Variants in TMEM128 observed in about 807,000 individuals in gnomAD.
TMEM128 encodes the protein transmembrane protein 128.
A neutral mutation model predicts 19.7 loss-of-function variants in TMEM128; 16 were observed. The observed-to-expected ratio is 0.81, with a 90% confidence interval of 0.55 to 1.23. The LOEUF (loss-of-function observed/expected upper bound fraction) is 1.23. Among genes scored for constraint, TMEM128 ranks in the 50% most tolerant of loss-of-function variants. TMEM128 has a pLI of 0.00. For missense variants in TMEM128, 237 were observed against 200.8 expected, an observed-to-expected ratio of 1.18 and a Z score of -1.09; for synonymous variants, 98 against 75.8, an observed-to-expected ratio of 1.29 and a Z score of -1.52.
chr4:4,238,255 C>A (rs1015482307), intron 3 of TMEM128, among the ~76,000 whole-genome samples: 3 of 152,172 alleles, frequency 2.0e-5, no homozygotes, highest in Admixed American at 2.0e-4. Context: ...GGCTACAGCC[C>A]ATTTTTATGA....
intron 2 of TMEM128, among the ~76,000 whole-genome samples, chr4:4,241,855 G>A (rs1489276326): frequency 2.0e-5 from 3 of 152,166 alleles, no homozygotes. Context: ...GCTCCTCACA[G>A]CTGACTCTCA....
chr4:4,247,833 T>C lies in TMEM128; in HGVS notation c.97+273A>G, dbSNP rs1351019588. ...GTACACTGCGGTACACGCATGTTTC[T>C]GGTAAATCCTTAAGACTTAAAACTG... is the stretch of plus-strand genomic sequence containing the variant. On this transcript the variant is annotated intron_variant, in intron 1 of 4. Transcript: ENST00000382753. The C allele has an allele frequency of 1.7e-5, 25 of 1,433,864 alleles. No individual in the cohort carries two copies. The African/African-American group carries it at 2.0e-4, about 12-fold the overall frequency. 88.8% of individuals were successfully genotyped at this position (1,433,864 alleles called of 1,614,324 possible).
intron 2 of TMEM128, among the ~76,000 whole-genome samples, chr4:4,245,864 T>A (rs556005734): frequency 2.2e-4 from 34 of 151,936 alleles, no homozygotes; most frequent in Admixed American, 1.8e-3. Flanking sequence ...CACAATCAAG[T>A]TAATTATCAC....
At chr4:4,237,716 G>C (rs571489213) in intron 4 of TMEM128, 111 bp downstream of exon 4, 1 of 646,900 alleles carries the variant, frequency 1.5e-6, no homozygotes, top group African/African-American at 1.8e-5. Flanking sequence ...GTGTAAACAT[G>C]ACTGAAAATA....
chr4:4,236,552 G>A (rs1452695455), intron 4 of TMEM128, among the ~76,000 whole-genome samples: 1 of 152,150 alleles, frequency 6.6e-6, no homozygotes, highest in Non-Finnish European at 1.5e-5. Context: ...AGATGTGTAG[G>A]ATTCCTCCGG....
chr4:4,240,542 GT>G, intron 2 of TMEM128, 63 bp from the exon 3 acceptor site: 2 of 1,527,052 alleles, frequency 1.3e-6, no homozygotes, highest in Non-Finnish European at 1.8e-6. Context: ...TATCTTAAAA[GT>G]TTTTACTAAT....
intron 2 of TMEM128, among the ~76,000 whole-genome samples, chr4:4,242,806 A>G (rs1051981542): frequency 6.6e-6 from 1 of 152,150 alleles, no homozygotes; most frequent in Non-Finnish European, 1.5e-5. Flanking sequence ...GGCATGAGCC[A>G]CCATGCCCGG....
chr4:4,240,268 T>C, intron 3 of TMEM128, 53 bp downstream of exon 3: 2 of 1,583,750 alleles, frequency 1.3e-6, no homozygotes, highest in Non-Finnish European at 1.7e-6. Context: ...CACTATCTGA[T>C]CAAAAAAAAA....
intron 2 of TMEM128, among the ~76,000 whole-genome samples, chr4:4,242,058 C>T (rs941871337): frequency 1.3e-5 from 2 of 152,100 alleles, no homozygotes; most frequent in Non-Finnish European, 2.9e-5. Flanking sequence ...CTGGCCACCA[C>T]GCCCAGCTAA....
At chr4:4,245,475 G>A (rs1156722805) in intron 2 of TMEM128, among the ~76,000 whole-genome samples, 2 of 152,022 alleles carry the variant, frequency 1.3e-5, no homozygotes, top group South Asian at 2.1e-4. Flanking sequence ...CACAGTTCTC[G>A]GCTCTTCCTC....
chr4:4,247,192 C>A (rs1376006002), intron 1 of TMEM128, among the ~76,000 whole-genome samples: 1 of 152,164 alleles, frequency 6.6e-6, no homozygotes, highest in Non-Finnish European at 1.5e-5. Context: ...GGAACGCAAT[C>A]TGAAAGAATG....
At chr4:4,237,691 G>C (rs1717778402) in intron 4 of TMEM128, 136 bp downstream of exon 4, 1 of 582,394 alleles carries the variant, frequency 1.7e-6, no homozygotes, top group East Asian at 3.1e-5. Flanking sequence ...GATAATTCTA[G>C]TGTGGACAAC....
intron 2 of TMEM128, among the ~76,000 whole-genome samples, chr4:4,242,787 C>T (rs895805744): frequency 2.0e-5 from 3 of 151,820 alleles, no homozygotes; most frequent in Non-Finnish European, 2.9e-5. Context: ...CCAAAGTGCT[C>T]GGATTACAGG....
intron 2 of TMEM128, among the ~76,000 whole-genome samples, chr4:4,241,523 T>G (rs1220660451): frequency 6.6e-6 from 1 of 152,132 alleles, no homozygotes; most frequent in African/African-American, 2.4e-5. Context: ...TGACAATCCA[T>G]GTGGAAGAGA....
intron 1 of TMEM128, 47 bp downstream of exon 1, chr4:4,248,059 G>A: frequency 1.3e-6 from 2 of 1,529,762 alleles, no homozygotes; most frequent in South Asian, 1.2e-5. Flanking sequence ...GCCGTTTTCC[G>A]ACGCCTCGCC....
Position 4,248,153 on chromosome 4 carries a change from A to C in TMEM128, c.50T>G (p.Leu17Arg), listed in dbSNP as rs1718283844. Residue 17 changes from leucine to arginine, a missense_variant, in exon 1 of 5, where the codon CTG becomes CGG. By Grantham distance (102) the Leu-to-Arg change is moderately radical. Coordinates refer to ENST00000382753, the MANE Select transcript of TMEM128 (RefSeq NM_001297551.2). Reference protein sequence around the residue: ...RQQLRRRFLLLPDAEAQLDRE... With the variant: ...RQQLRRRFLLRPDAEAQLDRE... ...GTCCAGCTGGGCCTCGGCGTCCGGC[A>C]GGAGGAGGAATCGCCGCCGGAGCTG... The C allele has an allele frequency of 1.0e-5, 16 of 1,534,246 alleles. No homozygotes were observed. The highest frequency in any genetic ancestry group is 1.4e-5 in the Non-Finnish European group (16 of 1,141,926).
intron 1 of TMEM128, chr4:4,247,580 TGA>T: frequency 6.2e-7 from 1 of 1,614,160 alleles, no homozygotes; most frequent in Non-Finnish European, 8.5e-7. Context: ...CATTCACAGG[TGA>T]ACATACATCA....
At chr4:4,236,400 G>A (rs1717721991) in intron 4 of TMEM128, 144 bp from the exon 5 acceptor site, 1 of 152,114 alleles carries the variant, frequency 6.6e-6, no homozygotes, top group Admixed American at 6.5e-5. Context: ...AACATTGTCT[G>A]AGTCTCCATT....
intron 2 of TMEM128, among the ~76,000 whole-genome samples, chr4:4,245,761 T>C (rs997833308): frequency 2.0e-5 from 3 of 151,986 alleles, no homozygotes; most frequent in African/African-American, 7.3e-5. Context: ...GATATATATA[T>C]ACACACACAC....
Sources: gnomAD v4.1 joint callset for allele counts (sites outside exome capture counted in the v4.1 genomes callset) on GRCh38, gnomAD v4.1.1 for gene constraint, MANE v1.5 for transcripts, NCBI Gene and HGNC (gene_info 2026-07-23, HGNC 2026-07-21) for gene names.